TRDN: variants seen among roughly 807,000 people sequenced by gnomAD.
The protein encoded by TRDN is triadin, also known as triadin in skeletal muscle.
Under a neutral mutation model 149.7 loss-of-function variants are expected in TRDN, and 161 were observed. The ratio of observed to expected loss-of-function variants is 1.08; its 90% confidence interval spans 0.95 to 1.23. The LOEUF (loss-of-function observed/expected upper bound fraction) is 1.23, where lower values mean the gene tolerates loss of function less well. TRDN is among the 50% of genes most tolerant of loss of function. The probability of loss-of-function intolerance (pLI) is 0.00; values close to 1 mark genes in which losing one functional copy is unlikely to be tolerated. For synonymous variants in TRDN, 294 were observed against 250.5 expected (o/e 1.17, Z -1.64); for missense variants, 896 against 823.5 (o/e 1.09, Z -1.08).
At chr6:123,347,304 C>T (rs1157040556) in intron 21 of TRDN, among the ~76,000 whole-genome samples, 1 of 152,024 alleles carries the variant, frequency 6.6e-6, no homozygotes, top group Non-Finnish European at 1.5e-5. Flanking sequence ...CAGAAACCAC[C>T]CGTCACACAC....
At chr6:123,242,184 C>T (rs911830624) in intron 38 of TRDN, among the ~76,000 whole-genome samples, 9 of 152,098 alleles carry the variant, frequency 5.9e-5, no homozygotes, top group Admixed American at 3.9e-4. Flanking sequence ...TTTATCATCC[C>T]TTGGTTTTAT....
intron 1 of TRDN, among the ~76,000 whole-genome samples, chr6:123,614,300 C>CAAAAAAAAAAAAAAA (rs1199509406): frequency 1.3e-4 from 13 of 99,818 alleles, no homozygotes; most frequent in African/African-American, 2.0e-4. Context: ...AAAAAAAAAA[C>CAAAAAAAAAAAAAAA]AAAAAAAAAA....
chr6:123,484,930 TGA>T (rs1035915287), intron 9 of TRDN, among the ~76,000 whole-genome samples: 5 of 152,222 alleles, frequency 3.3e-5, no homozygotes, highest in Admixed American at 6.5e-5. Context: ...TGAAACTGAC[TGA>T]GAGAGTGGTA....
chr6:123,461,002 T>G (rs1433693442), intron 10 of TRDN, among the ~76,000 whole-genome samples: 1 of 152,160 alleles, frequency 6.6e-6, no homozygotes, highest in East Asian at 1.9e-4. Context: ...TCCCAACAAC[T>G]TTAACATCTC....
intron 9 of TRDN, among the ~76,000 whole-genome samples, chr6:123,484,728 A>G (rs1183890667): frequency 4.6e-5 from 7 of 152,196 alleles, no homozygotes; most frequent in Non-Finnish European, 8.8e-5. Flanking sequence ...AGATATACCT[A>G]CAGAACCTGC....
At chr6:123,378,159 AAAAAT>A (rs1452088894) in intron 16 of TRDN, among the ~76,000 whole-genome samples, 1 of 152,208 alleles carries the variant, frequency 6.6e-6, no homozygotes, top group Non-Finnish European at 1.5e-5. Flanking sequence ...GATAAACCAG[AAAAAT>A]AAAATAGAAT....
chr6:123,428,313 T>A (rs1004529428), intron 12 of TRDN, among the ~76,000 whole-genome samples: 2 of 152,182 alleles, frequency 1.3e-5, no homozygotes, highest in Non-Finnish European at 2.9e-5. Context: ...AGTTTTTATT[T>A]GACCTTTCAG....
chr6:123,610,978 TC>T (rs1440043512), intron 1 of TRDN, among the ~76,000 whole-genome samples: 1 of 152,082 alleles, frequency 6.6e-6, no homozygotes, highest in Admixed American at 6.6e-5. Context: ...TGTGGGATAA[TC>T]AAGACTGCTA....
intron 1 of TRDN, among the ~76,000 whole-genome samples, chr6:123,578,308 TA>T (rs1176077250): frequency 1.3e-5 from 2 of 152,210 alleles, no homozygotes; most frequent in East Asian, 3.8e-4. Context: ...TTGATTTTTG[TA>T]TAAGGTGTAA....
intron 24 of TRDN, among the ~76,000 whole-genome samples, chr6:123,311,971 G>T (rs1778842861): frequency 6.6e-6 from 1 of 151,980 alleles, no homozygotes; most frequent in African/African-American, 2.4e-5. Context: ...CACCATGCCA[G>T]AGGAATTAAT....
At chr6:123,609,137 C>A (rs933095567) in intron 1 of TRDN, among the ~76,000 whole-genome samples, 1 of 151,878 alleles carries the variant, frequency 6.6e-6, no homozygotes, top group African/African-American at 2.4e-5. Flanking sequence ...TGTGACACTG[C>A]ACTCCAGTCT....
chr6:123,577,733 T>C (rs1213949537), intron 1 of TRDN, among the ~76,000 whole-genome samples: 2 of 152,186 alleles, frequency 1.3e-5, no homozygotes, highest in African/African-American at 4.8e-5. Flanking sequence ...TCCACAATAG[T>C]TGAACAAATT....
intron 24 of TRDN, among the ~76,000 whole-genome samples, chr6:123,292,248 A>G (rs1582830372): frequency 6.6e-6 from 1 of 151,158 alleles, no homozygotes; most frequent in Admixed American, 6.6e-5. Flanking sequence ...CCTCAGTGGG[A>G]CCCCCATGGC....
intron 1 of TRDN, among the ~76,000 whole-genome samples, chr6:123,590,158 G>A (rs75430810): frequency 0.017 from 2,555 of 152,182 alleles, 75 homozygotes; most frequent in African/African-American, 0.058. Flanking sequence ...GGTGAGCAGC[G>A]GGTGGGCAGG....
At chr6:123,423,724 C>T (rs1303209876) in intron 12 of TRDN, among the ~76,000 whole-genome samples, 1 of 152,072 alleles carries the variant, frequency 6.6e-6, no homozygotes, top group Non-Finnish European at 1.5e-5. Context: ...TCTTGAAATA[C>T]CTTTAAACTT....
intron 7 of TRDN, among the ~76,000 whole-genome samples, chr6:123,511,219 T>C (rs375028091): frequency 6.6e-6 from 1 of 152,154 alleles, no homozygotes; most frequent in African/African-American, 2.4e-5. Flanking sequence ...TAGTAAAATT[T>C]ATTGAAGAGA....
intron 12 of TRDN, among the ~76,000 whole-genome samples, chr6:123,422,852 T>G (rs147392104): frequency 6.6e-6 from 1 of 152,264 alleles, no homozygotes; most frequent in African/African-American, 2.4e-5. Context: ...ATAACAGGTT[T>G]TAAAACCTCC....
At chr6:123,430,521 G>A (rs1312841245) in intron 12 of TRDN, among the ~76,000 whole-genome samples, 1 of 151,974 alleles carries the variant, frequency 6.6e-6, no homozygotes, top group African/African-American at 2.4e-5. Context: ...GGCGGAGGTT[G>A]CAGTAAGCCG....
chr6:123,226,006 C>T (rs1042770678), intron 38 of TRDN, among the ~76,000 whole-genome samples: 4 of 151,668 alleles, frequency 2.6e-5, no homozygotes, highest in South Asian at 2.1e-4. Flanking sequence ...ATGCAAATTT[C>T]GTCTAACAGG....
Sources: gnomAD v4.1 joint callset for allele counts (sites outside exome capture counted in the v4.1 genomes callset) on GRCh38, gnomAD v4.1.1 for gene constraint, MANE v1.5 for transcripts, NCBI Gene and HGNC (gene_info 2026-07-23, HGNC 2026-07-21) for gene names.